Variants in FBXL4 observed in about 807,000 individuals in gnomAD.
The protein encoded by FBXL4 is F-box/LRR-repeat protein 4.
FBXL4 carries 40 observed loss-of-function variants against 58.9 expected under a neutral mutation model. The observed-to-expected ratio is 0.68, with a 90% CI of 0.53 to 0.88. The LOEUF (loss-of-function observed/expected upper bound fraction) is 0.88, where lower values mean the gene tolerates loss of function less well. Among genes scored for constraint, FBXL4 ranks in the 40% least tolerant of loss-of-function variants. The probability of loss-of-function intolerance (pLI) is 0.00; values close to 1 mark genes in which losing one functional copy is unlikely to be tolerated. For missense variants in FBXL4, 676 were observed against 734.4 expected (o/e 0.92, Z 0.92); for synonymous variants, 263 against 265.5 (o/e 0.99, Z 0.09).
chr6:98,922,277 G>T (rs1413157381), intron 4 of FBXL4, among the ~76,000 whole-genome samples: 3 of 152,154 alleles, frequency 2.0e-5, no homozygotes, highest in Non-Finnish European at 4.4e-5. Flanking sequence ...GAGACTTTAA[G>T]ATCTGGTAGA....
chr6:98,909,189 T>C (rs60155244), intron 5 of FBXL4, among the ~76,000 whole-genome samples: 89 of 152,324 alleles, frequency 5.8e-4, no homozygotes, highest in African/African-American at 2.1e-3. Flanking sequence ...CTAATTTGGC[T>C]GTATACTGGA....
chr6:98,938,394 G>A (rs940640543), intron 1 of FBXL4, among the ~76,000 whole-genome samples: 35 of 152,160 alleles, frequency 2.3e-4, no homozygotes, highest in African/African-American at 8.0e-4. Context: ...GACACCTTCA[G>A]TGTTAAACTC....
rs1021857368 is a variant in FBXL4 at position 98,881,205 on chromosome 6, T to A, written c.1318-581A>T. ...GTCAGTAGCAACATGCTGACTGAAA[T>A]ATATATAATATGTACTTTCTAGTCA... On this transcript the variant is annotated intron_variant, in intron 7 of 9. Transcript: ENST00000369244. Among the ~76,000 whole-genome samples, 4 of 152,250 alleles carry A rather than the reference T, an allele frequency of 2.6e-5. No homozygotes were observed. The East Asian group carries it at 7.7e-4, about 29-fold the overall frequency.
intron 7 of FBXL4, among the ~76,000 whole-genome samples, chr6:98,890,989 C>T (rs188963570): frequency 5.9e-5 from 9 of 152,146 alleles, no homozygotes; most frequent in African/African-American, 2.2e-4. Flanking sequence ...TGAAACTAAA[C>T]ATATGTAGAA....
intron 7 of FBXL4, among the ~76,000 whole-genome samples, chr6:98,881,617 A>G (rs907238036): frequency 6.6e-6 from 1 of 152,106 alleles, no homozygotes; most frequent in African/African-American, 2.4e-5. Context: ...TCTCATTGAG[A>G]AAATAAAGTA....
chr6:98,903,757 C>T (rs1022873627), intron 6 of FBXL4, among the ~76,000 whole-genome samples: 5 of 152,116 alleles, frequency 3.3e-5, no homozygotes, highest in African/African-American at 1.2e-4. Context: ...ATATGCAGCA[C>T]TTTGCCAGTA....
chr6:98,935,260 T>C (rs1427543035), intron 1 of FBXL4, among the ~76,000 whole-genome samples: 3 of 61,716 alleles, frequency 4.9e-5, no homozygotes, highest in African/African-American at 1.9e-4. Context: ...GAAGGAATCT[T>C]TTTTTTTTTT....
At chr6:98,896,393 AT>A (rs531331060) in intron 7 of FBXL4, among the ~76,000 whole-genome samples, 12 of 152,248 alleles carry the variant, frequency 7.9e-5, no homozygotes, top group African/African-American at 2.6e-4. Context: ...AAATCAGCTG[AT>A]TATTTTGCCA....
At chr6:98,891,918 G>A (rs997004742) in intron 7 of FBXL4, among the ~76,000 whole-genome samples, 1 of 151,896 alleles carries the variant, frequency 6.6e-6, no homozygotes, top group Non-Finnish European at 1.5e-5. Flanking sequence ...GTTTGATAAG[G>A]AGTCTGCCCC....
chr6:98,932,313 G>T (rs947762490), intron 2 of FBXL4, among the ~76,000 whole-genome samples: 1 of 152,066 alleles, frequency 6.6e-6, no homozygotes, highest in Non-Finnish European at 1.5e-5. Context: ...CACAATCAAG[G>T]AATACCAAAA....
chr6:98,912,975 G>A (rs895586115), intron 5 of FBXL4, among the ~76,000 whole-genome samples: 1 of 151,880 alleles, frequency 6.6e-6, no homozygotes, highest in Non-Finnish European at 1.5e-5. Context: ...TAAAAGGATG[G>A]AGGAAGATCT....
intron 1 of FBXL4, among the ~76,000 whole-genome samples, chr6:98,942,545 T>G (rs2128413482): frequency 6.6e-6 from 1 of 152,212 alleles, no homozygotes; most frequent in East Asian, 1.9e-4. Context: ...CCCCACTCTC[T>G]TCCTTCTGCT....
intron 1 of FBXL4, among the ~76,000 whole-genome samples, chr6:98,939,075 C>CA (rs3068704): frequency 0.22 from 5,601 of 25,020 alleles, 1,137 homozygotes; most frequent in Non-Finnish European, 0.25. Context: ...GACCTTGTCT[C>CA]AAAAAAAAAA....
At chr6:98,921,806 T>A (rs1466395887) in intron 4 of FBXL4, among the ~76,000 whole-genome samples, 1 of 152,114 alleles carries the variant, frequency 6.6e-6, no homozygotes, top group Non-Finnish European at 1.5e-5. Context: ...TGAAAAAAAA[T>A]TCCACATCAT....
intron 7 of FBXL4, chr6:98,898,146 TG>T (rs1408353538): frequency 4.4e-6 from 1 of 228,610 alleles, no homozygotes; most frequent in African/African-American, 2.3e-5. Context: ...TAAAAAAATA[TG>T]CAAGTTGAAC....
rs530344106 is a variant in FBXL4 at position 98,888,336 on chromosome 6, C to T, written c.1318-7712G>A. 4.8e-4 allele frequency among the ~76,000 whole-genome samples: 73 copies of T among 152,316 alleles called. 1 individual carries two copies. Among genetic ancestry groups the T allele is most frequent in the African/African-American group, 1.7e-3 (72 of 41,564 alleles). The stretch of plus-strand genomic sequence containing the variant: ...GATAGAGCCCATAGGGCCTGCAAGG[C>T]CTAAAGTATTTACTACCTAGCCCTT... On this transcript the variant is annotated intron_variant, in intron 7 of 9. Coordinates refer to ENST00000369244, the MANE Select transcript of FBXL4 (RefSeq NM_001278716.2).
rs1228775128 is a variant in FBXL4 at position 98,872,694 on chromosome 6, GAA to G, written c.*1582_*1583del. 2 of 152,046 alleles carry G rather than the reference GAA, an allele frequency of 1.3e-5. No individual in the cohort carries two copies. The highest frequency in any genetic ancestry group is 2.9e-5 in the Non-Finnish European group (2 of 68,020). 9.4% of individuals were successfully genotyped at this position (152,046 alleles called of 1,614,324 possible). On this transcript the variant is annotated 3_prime_UTR_variant, in exon 10 of 10. Transcript: ENST00000369244. ...AATATTTACTATCTGGCCCTTTATA[GAA>G]AAAGTTTCCTGACCTCTGCCCTAGA...
chr6:98,905,459 T>A lies in FBXL4; in HGVS notation c.1070A>T (p.Asn357Ile), dbSNP rs150436385. 33 of 1,613,946 alleles carry A rather than the reference T, an allele frequency of 2.0e-5. No individual in the cohort carries two copies. Among genetic ancestry groups the A allele is most frequent in the African/African-American group, 2.7e-5 (2 of 74,938 alleles). ...TCCTGCAACAGAGATGAAGCCTCTA[T>A]TGCCAGTCCAAGATAAATTAAGCCA... ...VQWLNLSWTG[N>I]RGFISVAGFS... The change falls in exon 6 of 10, where the codon AAT (asparagine) becomes ATT (isoleucine). Residue 357 changes from asparagine to isoleucine, a missense_variant. Physicochemically the swap from Asn to Ile is moderately radical, Grantham distance 149. Coordinates refer to ENST00000369244, the MANE Select transcript of FBXL4 (RefSeq NM_001278716.2).
rs11966311 is a variant in FBXL4, at chr6:98,896,843, T to C, written c.1317+2425A>G. On this transcript the variant is annotated intron_variant, in intron 7 of 9. Coordinates refer to ENST00000369244, the MANE Select transcript of FBXL4 (RefSeq NM_001278716.2). The stretch of plus-strand genomic sequence containing the variant: ...CTATCTAGACCTAGGTACATATGTA[T>C]AAATTTCCACTCTTCAGATATGAAA... 2.9e-3 allele frequency: 2,829 copies of C among 985,046 alleles called. 54 individuals are homozygous for C. The African/African-American group carries it at 0.046, about 16-fold the overall frequency. 61.0% of individuals were successfully genotyped at this position (985,046 alleles called of 1,614,324 possible).
Sources: gnomAD v4.1 joint callset for allele counts (sites outside exome capture counted in the v4.1 genomes callset) on GRCh38, gnomAD v4.1.1 for gene constraint, MANE v1.5 for transcripts, NCBI Gene and HGNC (gene_info 2026-07-23, HGNC 2026-07-21) for gene names.